Variants in MLLT1 observed in about 807,000 individuals in gnomAD.
The protein encoded by MLLT1 is protein ENL.
MLLT1 carries 11 observed loss-of-function variants against 55.1 expected under a neutral mutation model. The ratio of observed to expected loss-of-function variants is 0.20; its 90% CI spans 0.13 to 0.33. MLLT1 has a LOEUF of 0.33. Ranked by LOEUF, MLLT1 falls within the 10% of genes least tolerant of loss-of-function variation. The probability of loss-of-function intolerance (pLI) is 1.00; values close to 1 mark genes in which losing one functional copy is unlikely to be tolerated. For missense variants in MLLT1, 536 were observed against 760.6 expected (o/e 0.70, Z 3.47); for synonymous variants, 323 against 320.1 (o/e 1.01, Z -0.10).
rs551540134 is a variant in MLLT1, at chr19:6,246,800, G to T, written c.276+15428C>A. On this transcript the variant is annotated intron_variant, in intron 3 of 11. Coordinates refer to ENST00000252674, the MANE Select transcript of MLLT1 (RefSeq NM_005934.4). ...TGGGCAGAGGGGGCAGACCCAAGAT[G>T]AAATGCAACTGAGACTGACGAAGCT... Among the ~76,000 whole-genome samples the T allele has an allele frequency of 6.6e-5, 10 of 152,292 alleles. No homozygotes were observed. The South Asian group carries it at 2.1e-3, about 32-fold the overall frequency.
Position 6,211,843 on chromosome 19 carries a change from A to G in MLLT1, c.*1199T>C, listed in dbSNP as rs974712329. On this transcript the variant is annotated 3_prime_UTR_variant, in exon 12 of 12. Transcript: ENST00000252674. This position sits in a 1 kb window ranked among gnomAD's most constrained non-coding sequence, Gnocchi z 4.6. ...GCTTGGCCCCTGGAGAATCTCAGGC[A>G]TACCAGGAGTGGGGCTGCGGGCGCG... The G allele has an allele frequency of 2.8e-6, 3 of 1,063,820 alleles. No homozygotes were observed. The highest frequency in any genetic ancestry group is 3.3e-5 in the African/African-American group (2 of 60,944). The allele number at this position is 1,063,820 out of a possible 1,614,324, so 65.9% of individuals were successfully genotyped here.
In MLLT1 at chr19:6,231,087, C is replaced by T. The variant is rs1441498127; in HGVS notation, c.277-374G>A. 6.6e-6 allele frequency among the ~76,000 whole-genome samples: 1 copy of T among 152,190 alleles called. No homozygotes were observed. Among genetic ancestry groups the T allele is most frequent in the African/African-American group, 2.4e-5 (1 of 41,442 alleles). ...GAGACCTGCCCCAGGCCTCTGAGGC[C>T]CACAATCTCACCACCTCTATTCCCC... On this transcript the variant is annotated intron_variant, in intron 3 of 11. Transcript: ENST00000252674. The surrounding 1 kb of genome is among the most constrained non-coding windows in gnomAD (Gnocchi z 5.1).
At chr19:6,268,704 CACAG>C (rs1387097803) in intron 2 of MLLT1, among the ~76,000 whole-genome samples, 2 of 152,210 alleles carry the variant, frequency 1.3e-5, no homozygotes, top group Non-Finnish European at 2.9e-5. Flanking sequence ...CTCCAGGCCC[CACAG>C]ACAGACAGCA....
chr19:6,211,913 C>A lies in MLLT1; in HGVS notation c.*1129G>T. 9.4e-7 allele frequency: 1 copy of A among 1,064,716 alleles called. No individual in the cohort carries two copies. Among genetic ancestry groups the A allele is most frequent in the Non-Finnish European group, 1.1e-6 (1 of 878,890 alleles). 66.0% of individuals were successfully genotyped at this position (1,064,716 alleles called of 1,614,324 possible). ...CGGTGGAGGCCGGGGCGGGCCAGGC[C>A]GCGACCAGAGAGAAAGGCAGCCTGG... On this transcript the variant is annotated 3_prime_UTR_variant, in exon 12 of 12. Coordinates refer to ENST00000252674, the MANE Select transcript of MLLT1 (RefSeq NM_005934.4). This position sits in a 1 kb window ranked among gnomAD's most constrained non-coding sequence, Gnocchi z 4.6.
In MLLT1 at chr19:6,273,957, C is replaced by T. The variant is rs115697332; in HGVS notation, c.13-3198G>A. Among the ~76,000 whole-genome samples the T allele has an allele frequency of 2.5e-3, 383 of 152,356 alleles. 1 individual carries two copies. The highest frequency in any genetic ancestry group is 8.8e-3 in the African/African-American group (368 of 41,584). On this transcript the variant is annotated intron_variant, in intron 1 of 11. Coordinates refer to ENST00000252674, the MANE Select transcript of MLLT1 (RefSeq NM_005934.4). The surrounding 1 kb of genome is among the most constrained non-coding windows in gnomAD (Gnocchi z 4.3). ...GAGGGGGAGGATGGAAGCACCAGAA[C>T]TCCACCGCAGTGGCCAAAGTAAACA... is the stretch of plus-strand genomic sequence containing the variant.
chr19:6,236,014 G>A (rs1184944853), intron 3 of MLLT1, among the ~76,000 whole-genome samples: 1 of 152,136 alleles, frequency 6.6e-6, no homozygotes, highest in Non-Finnish European at 1.5e-5. Flanking sequence ...CACACACAAT[G>A]GGACTGTCCT....
chr19:6,265,991 G>A lies in MLLT1; in HGVS notation c.194-3681C>T, dbSNP rs75871849. On this transcript the variant is annotated intron_variant, in intron 2 of 11. Coordinates refer to ENST00000252674, the MANE Select transcript of MLLT1 (RefSeq NM_005934.4). ...GAGACTCTGTTTCAAAAAAAGTTTT[G>A]GATCTTAAGCCGGGCATGGTGGCTC... 5.3e-5 allele frequency among the ~76,000 whole-genome samples: 8 copies of A among 151,942 alleles called. No homozygotes were observed. In the East Asian group the frequency reaches 1.5e-3, roughly 29 times the overall value.
rs566686110 is a variant in MLLT1, at chr19:6,267,827, G to C, written c.193+2752C>G. ...TTGTAGCCTCAAAAAGAGGGGTGCAGCAGGGTCAAAAAGAGACAGGGTACT... is the reference window on the plus strand; with the variant it reads ...TTGTAGCCTCAAAAAGAGGGGTGCACCAGGGTCAAAAAGAGACAGGGTACT... On this transcript the variant is annotated intron_variant, in intron 2 of 11. Coordinates refer to ENST00000252674, the MANE Select transcript of MLLT1 (RefSeq NM_005934.4). Among the ~76,000 whole-genome samples the C allele has an allele frequency of 4.6e-5, 7 of 152,350 alleles. No homozygotes were observed. In the South Asian group the frequency reaches 1.4e-3, roughly 32 times the overall value.
chr19:6,274,298 C>T (rs1261810963), intron 1 of MLLT1, among the ~76,000 whole-genome samples: 1 of 152,338 alleles, frequency 6.6e-6, no homozygotes, highest in Admixed American at 6.5e-5. Flanking sequence ...GAAGTGGAGC[C>T]CCGGCCAACG....
Position 6,222,389 on chromosome 19 carries a change from CGGGGTG to C in MLLT1, c.836_841del (p.Pro279_Pro280del), listed in dbSNP as rs753690040. ...GGTGGCCGGCCGCTTGCTGGAAGCC[CGGGGTG>C]GGGGTGGGGGTGGGGGTGGGGGCCC... On this transcript the variant is annotated inframe_deletion, in exon 6 of 12. Coordinates refer to ENST00000252674, the MANE Select transcript of MLLT1 (RefSeq NM_005934.4). The surrounding 1 kb of genome is among the most constrained non-coding windows in gnomAD (Gnocchi z 4.1). 453 of 437,498 alleles carry C rather than the reference CGGGGTG, an allele frequency of 1.0e-3. No homozygotes were observed. The highest frequency in any genetic ancestry group is 7.8e-3 in the African/African-American group (90 of 11,594). The allele number at this position is 437,498 out of a possible 1,614,324, so 27.1% of individuals were successfully genotyped here.
In MLLT1 at chr19:6,212,332, C is replaced by T. The variant is rs1382070442; in HGVS notation, c.*710G>A. 3.8e-6 allele frequency: 4 copies of T among 1,060,502 alleles called. No homozygotes were observed. In the East Asian group the frequency reaches 2.0e-4, roughly 53 times the overall value. The allele number at this position is 1,060,502 out of a possible 1,614,324, so 65.7% of individuals were successfully genotyped here. ...AATTCCTCCATGCGCCTGGAGAGGG[C>T]CAGCTGCCGTGCCTGGCTCGGCCTC... On this transcript the variant is annotated 3_prime_UTR_variant, in exon 12 of 12. Coordinates refer to ENST00000252674, the MANE Select transcript of MLLT1 (RefSeq NM_005934.4).
At chr19:6,237,630 G>A (rs1457518930) in intron 3 of MLLT1, among the ~76,000 whole-genome samples, 5 of 151,606 alleles carry the variant, frequency 3.3e-5, no homozygotes, top group South Asian at 2.1e-4. Flanking sequence ...TTAGCTGGGC[G>A]TGGTGGCGGA....
chr19:6,213,682 C>CCCCCCCCCCCCG, intron 10 of MLLT1, 44 bp downstream of exon 10: 1 of 1,150,568 alleles, frequency 8.7e-7, no homozygotes, highest in Non-Finnish European at 1.3e-6. Flanking sequence ...TCCCACCACC[C>CCCCCCCCCCCCG]ACCCCTCCGT....
At chr19:6,217,928 GC>G in intron 7 of MLLT1, 25 bp downstream of exon 7, 2 of 1,578,858 alleles carry the variant, frequency 1.3e-6, no homozygotes, top group Non-Finnish European at 8.6e-7. Context: ...CCCCATCCGT[GC>G]CCCCCAGCTG....
intron 2 of MLLT1, among the ~76,000 whole-genome samples, chr19:6,268,104 G>A (rs2091363511): frequency 6.6e-6 from 1 of 152,188 alleles, no homozygotes; most frequent in Non-Finnish European, 1.5e-5. Context: ...AAACAAAAAG[G>A]CTAAGAAGCA....
chr19:6,229,836 C>T lies in MLLT1; in HGVS notation c.420+734G>A, dbSNP rs547608289. Among the ~76,000 whole-genome samples, 5 of 151,888 alleles carry T rather than the reference C, an allele frequency of 3.3e-5. No individual in the cohort carries two copies. The highest frequency in any genetic ancestry group is 7.2e-5 in the African/African-American group (3 of 41,418). On this transcript the variant is annotated intron_variant, in intron 4 of 11. Coordinates refer to ENST00000252674, the MANE Select transcript of MLLT1 (RefSeq NM_005934.4). The surrounding 1 kb of genome is among the most constrained non-coding windows in gnomAD (Gnocchi z 5.2). ...CGAGACACATGCCACACACAACACA[C>T]GTACATACACATGACACACCACACA...
At position 6,226,999 on chromosome 19, in the gene MLLT1, G is replaced by A. The variant is rs758959144; in HGVS notation, c.524C>T (p.Thr175Ile). 6.2e-7 allele frequency: 1 copy of A among 1,603,630 alleles called. No individual in the cohort carries two copies. The highest frequency in any genetic ancestry group is 1.7e-5 in the Admixed American group (1 of 58,306). ...AACCTTGGAGCCGTGGGATGGTTTG[G>A]TCTTCTTGGGGTCAGAGAAGGCAGA... ...PLSAFSDPKK[T>I]KPSHGSKDAN... Residue 175 changes from threonine (T) to isoleucine (I), a missense_variant, in exon 5 of 12, where the codon ACC becomes ATC. Thr to Ile is a moderately conservative substitution (Grantham distance 89). This residue lies in a region of MLLT1 where 449 missense variants were observed against 489.0 expected (regional missense o/e 0.92). Coordinates refer to ENST00000252674, the MANE Select transcript of MLLT1 (RefSeq NM_005934.4). The surrounding 1 kb of genome is among the most constrained non-coding windows in gnomAD (Gnocchi z 6.3).
At chr19:6,217,757 G>A (rs1051561585) in intron 7 of MLLT1, among the ~76,000 whole-genome samples, 197 bp downstream of exon 7, 7 of 152,324 alleles carry the variant, frequency 4.6e-5, no homozygotes, top group South Asian at 2.1e-4. Flanking sequence ...CAGTGCCCCC[G>A]GGCCTGACTG....
chr19:6,211,466 T>C lies in MLLT1; in HGVS notation c.*1576A>G, dbSNP rs945217451. On this transcript the variant is annotated 3_prime_UTR_variant, in exon 12 of 12. Coordinates refer to ENST00000252674, the MANE Select transcript of MLLT1 (RefSeq NM_005934.4). The surrounding 1 kb of genome is among the most constrained non-coding windows in gnomAD (Gnocchi z 4.6). ...GGTCCCCACCAAGGAGTGTTCAGGA[T>C]CTGCTGACAGAATCAGAGCAGGGAC... 4 of 391,806 alleles carry C rather than the reference T, an allele frequency of 1.0e-5. No homozygotes were observed. The highest frequency in any genetic ancestry group is 1.1e-4 in the Admixed American group (2 of 17,888). 24.3% of individuals were successfully genotyped at this position (391,806 alleles called of 1,614,324 possible). A position where few individuals can be genotyped will look rare whatever the true frequency, so the allele number is the denominator to read the frequency against.
Sources: gnomAD v4.1 joint callset for allele counts (sites outside exome capture counted in the v4.1 genomes callset) on GRCh38, gnomAD v4.1.1 for gene constraint, gnomAD v4.1.1 regional missense constraint, Gnocchi (gnomAD v3.1) non-coding constraint, MANE v1.5 for transcripts, NCBI Gene and HGNC (gene_info 2026-07-23, HGNC 2026-07-21) for gene names.